MARCHF7: variants seen among roughly 807,000 people sequenced by gnomAD.
MARCHF7 encodes the protein membrane associated ring-CH-type finger 7.
MARCHF7 carries 20 observed loss-of-function variants against 76.5 expected under a neutral mutation model. The observed-to-expected ratio is 0.26, with a 90% CI of 0.18 to 0.38. The LOEUF (loss-of-function observed/expected upper bound fraction) is 0.38. Among genes scored for constraint, MARCHF7 ranks in the 10% least tolerant of loss-of-function variants. The pLI is 1.00. For synonymous variants in MARCHF7, 295 were observed against 293.0 expected, an observed-to-expected ratio of 1.01 and a Z score of -0.07; for missense variants, 797 against 812.9, an observed-to-expected ratio of 0.98 and a Z score of 0.24.
intron 3 of MARCHF7, among the ~76,000 whole-genome samples, chr2:159,720,345 T>C (rs1050427573): frequency 2.6e-5 from 4 of 152,216 alleles, no homozygotes; most frequent in African/African-American, 7.2e-5. Flanking sequence ...CTGAAGAGTC[T>C]AGGCCAATTA....
At chr2:159,755,612 ATAGT>A (rs1271392896) in intron 8 of MARCHF7, among the ~76,000 whole-genome samples, 1 of 152,218 alleles carries the variant, frequency 6.6e-6, no homozygotes, top group Non-Finnish European at 1.5e-5. Context: ...AAGTAAAGAG[ATAGT>A]TCAAAAAAGA....
chr2:159,727,840 A>G (rs1011598468), intron 3 of MARCHF7, among the ~76,000 whole-genome samples: 1 of 152,258 alleles, frequency 6.6e-6, no homozygotes, highest in Non-Finnish European at 1.5e-5. Flanking sequence ...GATTCCGTTT[A>G]TACGTATTTA....
intron 8 of MARCHF7, among the ~76,000 whole-genome samples, chr2:159,754,616 G>A (rs190954480): frequency 7.2e-5 from 11 of 152,128 alleles, no homozygotes; most frequent in Admixed American, 2.0e-4. Context: ...GGATTTTAAG[G>A]CATGTTTTTA....
chr2:159,767,290 A>G lies in MARCHF7; in HGVS notation c.2063A>G (p.Glu688Gly). ...TCCTGTTTTCTTTCAACAGCTTCAG[A>G]GGATGATTCCGAAGAAGACGGAGAC... is the stretch of plus-strand genomic sequence containing the variant. ...QAHMEDLETS[E>G]DDSEEDGDHN... is the part of the protein sequence containing the mutation. Residue 688 changes from glutamate to glycine, a missense_variant, in exon 12 of 12, where the codon GAG becomes GGG. By Grantham distance (98) the Glu-to-Gly change is moderately conservative. Coordinates refer to ENST00000409175, the MANE Select transcript of MARCHF7 (RefSeq NM_001282805.2). 6.2e-7 allele frequency: 1 copy of G among 1,610,154 alleles called. No homozygotes were observed. Among genetic ancestry groups the G allele is most frequent in the Non-Finnish European group, 8.5e-7 (1 of 1,177,322 alleles).
At chr2:159,721,310 T>G (rs1701616423) in intron 3 of MARCHF7, among the ~76,000 whole-genome samples, 1 of 152,164 alleles carries the variant, frequency 6.6e-6, no homozygotes, top group Admixed American at 6.5e-5. Flanking sequence ...AGTCACTCAT[T>G]TAAAAAAGCA....
At position 159,748,871 on chromosome 2, in the gene MARCHF7, A is replaced by G. The variant is rs1705224192; in HGVS notation, c.1581A>G (p.Arg527=). The G allele has an allele frequency of 6.2e-7, 1 of 1,608,870 alleles. No individual in the cohort carries two copies. Among genetic ancestry groups the G allele is most frequent in the Admixed American group, 1.7e-5 (1 of 59,002 alleles). The change falls in exon 7 of 12, where the codon AGA becomes AGG. Residue 527 remains arginine (R), a synonymous_variant. Transcript: ENST00000409175. The stretch of plus-strand genomic sequence containing the variant: ...ATAAAACTAAAAGTGCGCCTTCAAG[A>G]GATCCAGAAAGATTGCAGAAAATAA... The part of the protein sequence containing the change: ...KSDKTKSAPS[R]DPERLQKIKE...
At chr2:159,744,728 A>C (rs1231374591) in intron 5 of MARCHF7, among the ~76,000 whole-genome samples, 4 of 152,228 alleles carry the variant, frequency 2.6e-5, no homozygotes, top group Non-Finnish European at 1.5e-5. Flanking sequence ...CTTTGTAGAC[A>C]AACACCACTG....
At chr2:159,743,950 A>AG (rs2125559024) in intron 5 of MARCHF7, among the ~76,000 whole-genome samples, 1 of 149,810 alleles carries the variant, frequency 6.7e-6, no homozygotes, top group East Asian at 2.0e-4. Flanking sequence ...TTACAAAAAA[A>AG]TGGTGGTTAT....
intron 7 of MARCHF7, among the ~76,000 whole-genome samples, chr2:159,750,510 C>A (rs761385488): frequency 2.6e-5 from 4 of 151,972 alleles, no homozygotes; most frequent in Non-Finnish European, 5.9e-5. Context: ...GGCGACAGAG[C>A]AAGACTCTGT....
At chr2:159,745,544 T>A (rs1704753184) in intron 5 of MARCHF7, among the ~76,000 whole-genome samples, 1 of 152,106 alleles carries the variant, frequency 6.6e-6, no homozygotes, top group Admixed American at 6.5e-5. Context: ...TAGTCCCAGA[T>A]ATTCAGGAGG....
chr2:159,744,111 C>T (rs981559269), intron 5 of MARCHF7, among the ~76,000 whole-genome samples: 2 of 147,284 alleles, frequency 1.4e-5, no homozygotes, highest in African/African-American at 5.0e-5. Context: ...CCTCAGCCTC[C>T]CAAGTAGCTG....
intron 3 of MARCHF7, among the ~76,000 whole-genome samples, chr2:159,721,296 A>G (rs1401954247): frequency 6.6e-6 from 1 of 152,166 alleles, no homozygotes; most frequent in Non-Finnish European, 1.5e-5. Context: ...GCCCAGAGGA[A>G]TGGAGTCACT....
At chr2:159,743,573 C>G (rs1245438938) in intron 5 of MARCHF7, among the ~76,000 whole-genome samples, 1 of 152,006 alleles carries the variant, frequency 6.6e-6, no homozygotes, top group African/African-American at 2.4e-5. Context: ...AAAGCTAAAT[C>G]TACTGATATG....
At chr2:159,730,791 A>G (rs1311194239) in intron 4 of MARCHF7, among the ~76,000 whole-genome samples, 1 of 152,218 alleles carries the variant, frequency 6.6e-6, no homozygotes, top group Non-Finnish European at 1.5e-5. Context: ...TTAATGAGGA[A>G]CACAAATTTT....
intron 4 of MARCHF7, chr2:159,734,093 T>A (rs1284213936): frequency 7.6e-7 from 1 of 1,312,440 alleles, no homozygotes; most frequent in East Asian, 2.7e-5. Context: ...GTAAGCAAAA[T>A]TTACATGTTT....
chr2:159,720,939 C>T (rs142849553), intron 3 of MARCHF7, among the ~76,000 whole-genome samples: 2,211 of 152,276 alleles, frequency 0.015, 38 homozygotes, highest in African/African-American at 0.05. Flanking sequence ...CTCTCTGCAA[C>T]CTCTGCCTCC....
In MARCHF7 at chr2:159,770,965, A is replaced by AAATG. The variant is rs1708128607; in HGVS notation, c.*3625_*3628dup. 1 of 152,202 alleles carries AAATG rather than the reference A, an allele frequency of 6.6e-6. No homozygotes were observed. The highest frequency in any genetic ancestry group is 2.4e-5 in the African/African-American group (1 of 41,464). The allele number at this position is 152,202 out of a possible 1,614,324, so 9.4% of individuals were successfully genotyped here. ...CAGCTTTTTCATTTTTTTACTCCCC[A>AAATG]AATGATTTTCACCTTTTTCTTAAAA... On this transcript the variant is annotated 3_prime_UTR_variant, in exon 12 of 12. Coordinates refer to ENST00000409175, the MANE Select transcript of MARCHF7 (RefSeq NM_001282805.2).
chr2:159,767,378 A>G lies in MARCHF7; in HGVS notation c.*36A>G. 6.7e-7 allele frequency: 1 copy of G among 1,500,046 alleles called. No individual in the cohort carries two copies. Among genetic ancestry groups the G allele is most frequent in the Non-Finnish European group, 9.2e-7 (1 of 1,086,344 alleles). The allele number at this position is 1,500,046 out of a possible 1,614,324, so 92.9% of individuals were successfully genotyped here. On this transcript the variant is annotated 3_prime_UTR_variant, in exon 12 of 12. Transcript: ENST00000409175. The stretch of plus-strand genomic sequence containing the variant: ...GACAGATGGATGATCTGTGAACATA[A>G]GTGTTTATTAAAAATGGCAATTAAA...
chr2:159,757,803 T>A (rs1043027582), intron 8 of MARCHF7, among the ~76,000 whole-genome samples: 1 of 152,252 alleles, frequency 6.6e-6, no homozygotes, highest in Non-Finnish European at 1.5e-5. Flanking sequence ...CATTTTCATG[T>A]ATGCTAGACT....
Sources: allele counts gnomAD v4.1 joint callset (sites outside exome capture counted in the v4.1 genomes callset), GRCh38; gene constraint gnomAD v4.1.1; transcripts MANE v1.5; gene names NCBI Gene and HGNC (gene_info 2026-07-23, HGNC 2026-07-21).